The following PADI4 variants were observed in gnomAD, a reference collection of about 807,000 sequenced individuals.
PADI4 encodes the protein peptidyl arginine deiminase 4, also known as protein-arginine deiminase type-4.
Under a neutral mutation model 75.0 loss-of-function variants are expected in PADI4, and 62 were observed. That is an observed-to-expected ratio of 0.83 (90% CI 0.67 to 1.02). The LOEUF (loss-of-function observed/expected upper bound fraction) is 1.02. Ranked by LOEUF, PADI4 falls within the 50% of genes least tolerant of loss-of-function variation. The probability of loss-of-function intolerance (pLI) is 0.00; values close to 1 mark genes in which losing one functional copy is unlikely to be tolerated. For missense variants in PADI4, 845 were observed against 850.5 expected (o/e 0.99, Z 0.08); for synonymous variants, 361 against 348.1 (o/e 1.04, Z -0.41).
Position 17,356,211 on chromosome 1 carries a change from C to T in PADI4, c.1455+84C>T, listed in dbSNP as rs886449530. Reference sequence around the variant, plus strand: ...CTGGGGTGGGAGCAACTTTACTTGTCTATTTCTCCTTCACCCTTAGGATGG... The same window carrying T: ...CTGGGGTGGGAGCAACTTTACTTGTTTATTTCTCCTTCACCCTTAGGATGG... On this transcript the variant is annotated intron_variant, in intron 12 of 15. Transcript: ENST00000375448. The surrounding 1 kb of genome is among the most constrained non-coding windows in gnomAD (Gnocchi z 4.1). The T allele has an allele frequency of 3.4e-6, 5 of 1,469,266 alleles. No individual in the cohort carries two copies. The highest frequency in any genetic ancestry group is 1.8e-4 in the Middle Eastern group (1 of 5,684). 91.0% of individuals were successfully genotyped at this position (1,469,266 alleles called of 1,614,324 possible).
intron 11 of PADI4, 77 bp from the exon 12 acceptor site, chr1:17,355,906 T>G: frequency 6.6e-7 from 1 of 1,513,644 alleles, no homozygotes; most frequent in Non-Finnish European, 9.2e-7. Context: ...CTGACCTTTT[T>G]GCCAAGCCCC....
At chr1:17,354,721 G>A in intron 11 of PADI4, 34 bp downstream of exon 11, 1 of 1,561,958 alleles carries the variant, frequency 6.4e-7, no homozygotes, top group South Asian at 1.2e-5. Context: ...GGGTGGCCAG[G>A]ACCCAGGTAT....
intron 13 of PADI4, 43 bp from the exon 14 acceptor site, chr1:17,358,795 C>A: frequency 1.5e-6 from 2 of 1,353,640 alleles, no homozygotes; most frequent in Non-Finnish European, 2.1e-6. Context: ...GGGAAATCGA[C>A]CTCTAAGTTC....
chr1:17,328,456 G>A (rs563997197), intron 1 of PADI4, among the ~76,000 whole-genome samples: 10 of 152,192 alleles, frequency 6.6e-5, no homozygotes, highest in African/African-American at 2.4e-4. Flanking sequence ...GACCAGCCTG[G>A]GTAACATAGC....
At chr1:17,313,498 C>CAAAAAAA (rs71014933) in intron 1 of PADI4, among the ~76,000 whole-genome samples, 7 of 68,410 alleles carry the variant, frequency 1.0e-4, no homozygotes, top group South Asian at 7.5e-4. Flanking sequence ...AAGACCTTGT[C>CAAAAAAA]AAAAAAAAAA....
At chr1:17,351,609 CAAAAAAAAAA>C (rs56047360) in intron 10 of PADI4, among the ~76,000 whole-genome samples, 7 of 98,024 alleles carry the variant, frequency 7.1e-5, no homozygotes, top group African/African-American at 3.1e-4. Flanking sequence ...GACCTGGTCT[CAAAAAAAAAA>C]AAAAAAAAAA....
intron 1 of PADI4, among the ~76,000 whole-genome samples, chr1:17,323,620 G>A (rs778170723): frequency 6.6e-6 from 1 of 152,170 alleles, no homozygotes; most frequent in East Asian, 1.9e-4. Context: ...GATCACTTAA[G>A]TCTAGGGGTT....
intron 3 of PADI4, 111 bp downstream of exon 3, chr1:17,334,120 T>A: frequency 2.8e-6 from 2 of 715,858 alleles, no homozygotes; most frequent in Admixed American, 2.3e-5. Context: ...TTAGACTGAG[T>A]AGAGAAAAAG....
chr1:17,354,929 A>G (rs4920600), intron 11 of PADI4, among the ~76,000 whole-genome samples: 116,113 of 152,190 alleles, frequency 0.76, 45,406 homozygotes, highest in African/African-American at 0.94. Context: ...TGAGCATCCA[A>G]AATGTTCTGG....
In PADI4 at chr1:17,356,852, G is replaced by T. The variant is rs1451177067; in HGVS notation, c.1558+393G>T. On this transcript the variant is annotated intron_variant, in intron 13 of 15. Coordinates refer to ENST00000375448, the MANE Select transcript of PADI4 (RefSeq NM_012387.3). This position sits in a 1 kb window ranked among gnomAD's most constrained non-coding sequence, Gnocchi z 4.1. Reference sequence around the variant, plus strand: ...GGGACGGGGGTGGGGCGGCTCAGAGGCAGGAGAAAGCACGATGTGTGTGAG... The same window carrying T: ...GGGACGGGGGTGGGGCGGCTCAGAGTCAGGAGAAAGCACGATGTGTGTGAG... Among the ~76,000 whole-genome samples the T allele has an allele frequency of 6.6e-6, 1 of 152,134 alleles. No individual in the cohort carries two copies. Among genetic ancestry groups the T allele is most frequent in the African/African-American group, 2.4e-5 (1 of 41,434 alleles).
At chr1:17,334,993 A>G (rs2074284936) in intron 3 of PADI4, among the ~76,000 whole-genome samples, 1 of 152,072 alleles carries the variant, frequency 6.6e-6, no homozygotes, top group South Asian at 2.1e-4. Flanking sequence ...AATAAAAAAA[A>G]ACAGCTGAGC....
At position 17,356,179 on chromosome 1, in the gene PADI4, C is replaced by T. The variant is rs747165135; in HGVS notation, c.1455+52C>T. 3.0e-5 allele frequency: 48 copies of T among 1,583,598 alleles called. No individual in the cohort carries two copies. Among genetic ancestry groups the T allele is most frequent in the Non-Finnish European group, 4.1e-5 (48 of 1,157,806 alleles). ...AGCCATGCCTCCTTCCTGGGTAGAC[C>T]CTCTGCCTGGGGTGGGAGCAACTTT... is the stretch of plus-strand genomic sequence containing the variant. On this transcript the variant is annotated intron_variant, in intron 12 of 15. Coordinates refer to ENST00000375448, the MANE Select transcript of PADI4 (RefSeq NM_012387.3). The surrounding 1 kb of genome is among the most constrained non-coding windows in gnomAD (Gnocchi z 4.1).
At chr1:17,310,832 C>A (rs2073810332) in intron 1 of PADI4, among the ~76,000 whole-genome samples, 1 of 152,060 alleles carries the variant, frequency 6.6e-6, no homozygotes, top group Non-Finnish European at 1.5e-5. Context: ...GGCGCAATGG[C>A]TCACATCTGT....
At chr1:17,345,875 C>G (rs1402606591) in intron 8 of PADI4, among the ~76,000 whole-genome samples, 153 bp from the exon 9 acceptor site, 1 of 152,188 alleles carries the variant, frequency 6.6e-6, no homozygotes, top group Non-Finnish European at 1.5e-5. Context: ...ATTCCATGAG[C>G]TAATGCCTGC....
rs749431287 is a variant in PADI4 at position 17,354,628 on chromosome 1, A to T, written c.1251A>T (p.Thr417=). 3.1e-6 allele frequency: 5 copies of T among 1,614,008 alleles called. No homozygotes were observed. Among genetic ancestry groups the T allele is most frequent in the South Asian group, 1.1e-5 (1 of 91,072 alleles). The part of the protein sequence containing the change: ...FGNLEVSPPV[T]VRGKEYPLGR... The stretch of plus-strand genomic sequence containing the variant: ...ACCTGGAAGTGAGCCCCCCAGTCAC[A>T]GTCAGGGGCAAGGAATACCCGCTGG... Residue 417 remains threonine, a synonymous_variant, in exon 11 of 16, where the codon ACA becomes ACT. Coordinates refer to ENST00000375448, the MANE Select transcript of PADI4 (RefSeq NM_012387.3).
chr1:17,308,792 T>G (rs2073723390), intron 1 of PADI4, among the ~76,000 whole-genome samples: 1 of 151,802 alleles, frequency 6.6e-6, no homozygotes, highest in African/African-American at 2.4e-5. Flanking sequence ...CGGCAGAGAC[T>G]GAGGTAGGAA....
intron 2 of PADI4, among the ~76,000 whole-genome samples, chr1:17,331,612 T>C (rs1236011676): frequency 7.5e-6 from 1 of 134,196 alleles, no homozygotes; most frequent in Admixed American, 7.7e-5. Context: ...CTGTGTCTGG[T>C]ATAGAAAATC....
At chr1:17,313,643 T>C (rs1031156614) in intron 1 of PADI4, among the ~76,000 whole-genome samples, 1 of 152,058 alleles carries the variant, frequency 6.6e-6, no homozygotes, top group East Asian at 1.9e-4. Flanking sequence ...TGAGATTTAT[T>C]TTCCTTTGAC....
chr1:17,352,138 CAGTAGGAGAGGCAAT>C (rs2074665389), intron 10 of PADI4, among the ~76,000 whole-genome samples: 2 of 108,328 alleles, frequency 1.8e-5, no homozygotes, highest in Non-Finnish European at 3.9e-5. Context: ...TGATGGGAGG[CAGTAGGAGAGGCAAT>C]CAGGGAGGTG....
Sources: gnomAD v4.1 joint callset for allele counts (sites outside exome capture counted in the v4.1 genomes callset) on GRCh38, gnomAD v4.1.1 for gene constraint, Gnocchi (gnomAD v3.1) non-coding constraint, MANE v1.5 for transcripts, NCBI Gene and HGNC (gene_info 2026-07-23, HGNC 2026-07-21) for gene names.